Variants in GRIA3 observed in about 807,000 individuals in gnomAD.
The protein encoded by GRIA3 is glutamate ionotropic receptor AMPA type subunit 3.
A neutral mutation model predicts 63.0 loss-of-function variants in GRIA3; 3 were observed. The ratio of observed to expected loss-of-function variants is 0.05; its 90% CI spans 0.02 to 0.12. The LOEUF (loss-of-function observed/expected upper bound fraction) is 0.12. Among genes scored for constraint, GRIA3 ranks in the 10% least tolerant of loss-of-function variants. GRIA3 has a pLI of 1.00. For missense variants in GRIA3, 347 were observed against 700.9 expected (o/e 0.50, Z 5.70); for synonymous variants, 274 against 257.9 (o/e 1.06, Z -0.60).
intron 10 of GRIA3, among the ~76,000 whole-genome samples, chrX:123,411,661 G>A (rs752179094): frequency 9.0e-6 from 1 of 111,153 alleles, no homozygotes; most frequent in Non-Finnish European, 1.9e-5. Context: ...TTTGCAACTG[G>A]TGAGTGGAAA....
intron 5 of GRIA3, among the ~76,000 whole-genome samples, chrX:123,373,889 G>T (rs1019414945): frequency 9.9e-5 from 11 of 111,657 alleles, no homozygotes; most frequent in Admixed American, 2.9e-4. Flanking sequence ...TTTGGCTTTC[G>T]TTGCGATTGC....
At chrX:123,396,468 G>C (rs2147379745) in intron 6 of GRIA3, among the ~76,000 whole-genome samples, 1 of 110,566 alleles carries the variant, frequency 9.0e-6, no homozygotes, top group African/African-American at 3.3e-5. Flanking sequence ...GATTATGCCT[G>C]CCAGATTTTT....
chrX:123,447,220 T>G (rs139678770), intron 12 of GRIA3, among the ~76,000 whole-genome samples: 2 of 110,888 alleles, frequency 1.8e-5, no homozygotes, highest in Non-Finnish European at 3.8e-5. Context: ...CCATCTCTAC[T>G]ACAAATACAA....
intron 12 of GRIA3, among the ~76,000 whole-genome samples, chrX:123,436,499 A>G (rs2045645154): frequency 8.9e-6 from 1 of 112,349 alleles, no homozygotes; most frequent in Non-Finnish European, 1.9e-5. Flanking sequence ...CAATATGCAC[A>G]ATTTAGAGCT....
In GRIA3 at chrX:123,478,134, T is replaced by G. The variant is rs191794988; in HGVS notation, c.2325-1929T>G. On this transcript the variant is annotated intron_variant, in intron 13 of 15. Transcript: ENST00000620443. ...CATAGCATTGCAGGAGAAGTGGTAG[T>G]GATGAGACAACAACAGGGAAGAGGA... 4.5e-5 allele frequency among the ~76,000 whole-genome samples: 5 copies of G among 111,398 alleles called. No homozygotes were observed. The East Asian group carries it at 1.1e-3, about 25-fold the overall frequency.
chrX:123,340,498 G>A lies in GRIA3; in HGVS notation c.696+14285G>A, dbSNP rs778640627. 3.7e-4 allele frequency among the ~76,000 whole-genome samples: 41 copies of A among 112,104 alleles called. No individual in the cohort carries two copies. The South Asian group carries it at 3.8e-3, about 10-fold the overall frequency. On this transcript the variant is annotated intron_variant, in intron 4 of 15. Coordinates refer to ENST00000620443, the MANE Select transcript of GRIA3 (RefSeq NM_007325.5). ...TAGTAGACTGAGGGAAAGATGAGAA[G>A]TAGAGATTATATAGGAATTCACAGG...
chrX:123,221,719 G>A lies in GRIA3; in HGVS notation c.269-31584G>A, dbSNP rs187523309. ...CCTCATCTTACACAAAGAAAATGGG[G>A]CCCAGAAAGTTGTTTCTTCAGGCAT... On this transcript the variant is annotated intron_variant, in intron 2 of 15. Coordinates refer to ENST00000620443, the MANE Select transcript of GRIA3 (RefSeq NM_007325.5). Among the ~76,000 whole-genome samples the A allele has an allele frequency of 1.3e-3, 143 of 111,443 alleles. 2 individuals carry two copies. Among genetic ancestry groups the A allele is most frequent in the African/African-American group, 4.0e-3 (123 of 30,617 alleles).
At chrX:123,256,663 G>A (rs1477355781) in intron 3 of GRIA3, among the ~76,000 whole-genome samples, 1 of 112,240 alleles carries the variant, frequency 8.9e-6, no homozygotes, top group Non-Finnish European at 1.9e-5. Flanking sequence ...TAGCCATAGA[G>A]TATAAACAGA....
At chrX:123,318,790 T>C (rs12006580) in intron 3 of GRIA3, among the ~76,000 whole-genome samples, 1,693 of 112,066 alleles carry the variant, frequency 0.015, 34 homozygotes, top group African/African-American at 0.053. Flanking sequence ...GAAAGTCGCT[T>C]CCACATTTTT....
chrX:123,444,426 G>A (rs189971492), intron 12 of GRIA3, among the ~76,000 whole-genome samples: 1 of 111,748 alleles, frequency 8.9e-6, no homozygotes, highest in African/African-American at 3.3e-5. Flanking sequence ...CAACCCTAAT[G>A]CACAACTCCT....
intron 13 of GRIA3, among the ~76,000 whole-genome samples, chrX:123,477,448 AT>A (rs1284752128): frequency 1.8e-5 from 2 of 112,194 alleles, no homozygotes; most frequent in Non-Finnish European, 3.8e-5. Context: ...TCTCTTTGGT[AT>A]CTGGTATAAT....
intron 2 of GRIA3, among the ~76,000 whole-genome samples, chrX:123,216,201 C>A: frequency 8.9e-6 from 1 of 112,274 alleles, no homozygotes; most frequent in African/African-American, 3.2e-5. Flanking sequence ...TCCCCTACCT[C>A]AGCAACTTGT....
intron 3 of GRIA3, among the ~76,000 whole-genome samples, chrX:123,290,337 T>C (rs2044647899): frequency 8.9e-6 from 1 of 111,939 alleles, no homozygotes; most frequent in African/African-American, 3.2e-5. Flanking sequence ...CAAATATATA[T>C]TTTGTGTCTT....
At chrX:123,302,521 C>A (rs956377816) in intron 3 of GRIA3, among the ~76,000 whole-genome samples, 1 of 111,409 alleles carries the variant, frequency 9.0e-6, no homozygotes, top group Non-Finnish European at 1.9e-5. Flanking sequence ...AGCTGGGTGA[C>A]CTTGGTCAAA....
chrX:123,338,147 G>A (rs1290112230), intron 4 of GRIA3, among the ~76,000 whole-genome samples: 2 of 111,989 alleles, frequency 1.8e-5, no homozygotes, highest in African/African-American at 3.2e-5. Context: ...TCAATAAAAG[G>A]TGGCAGCAGG....
intron 12 of GRIA3, among the ~76,000 whole-genome samples, chrX:123,449,547 TGTGTTTGCCAGACA>T (rs1457205424): frequency 8.9e-6 from 1 of 112,028 alleles, no homozygotes; most frequent in Non-Finnish European, 1.9e-5. Flanking sequence ...TCACAGTCAG[TGTGTTTGCCAGACA>T]AAACTGCAGC....
chrX:123,250,896 G>A lies in GRIA3; in HGVS notation c.269-2407G>A, dbSNP rs188164330. 1.3e-4 allele frequency among the ~76,000 whole-genome samples: 14 copies of A among 111,795 alleles called. No homozygotes were observed. The East Asian group carries it at 1.7e-3, about 13-fold the overall frequency. The stretch of plus-strand genomic sequence containing the variant: ...ATCTTGTTTTTATTTGCTAAAGCTC[G>A]AAACCCTATCTCTTGTGGAGCAATG... On this transcript the variant is annotated intron_variant, in intron 2 of 15. Coordinates refer to ENST00000620443, the MANE Select transcript of GRIA3 (RefSeq NM_007325.5).
chrX:123,336,422 A>G (rs1467890452), intron 4 of GRIA3, among the ~76,000 whole-genome samples: 2 of 111,393 alleles, frequency 1.8e-5, no homozygotes, highest in Non-Finnish European at 3.8e-5. Flanking sequence ...TTTCAGGGAC[A>G]GCTTTACTTC....
intron 13 of GRIA3, among the ~76,000 whole-genome samples, chrX:123,474,173 A>C (rs1410324129): frequency 9.0e-6 from 1 of 111,243 alleles, no homozygotes. Flanking sequence ...CTTGGTAATT[A>C]ATTGACAAGA....
Sources: allele counts gnomAD v4.1 joint callset (sites outside exome capture counted in the v4.1 genomes callset), GRCh38; gene constraint gnomAD v4.1.1; transcripts MANE v1.5; gene names NCBI Gene and HGNC (gene_info 2026-07-23, HGNC 2026-07-21).